The following SLC4A7 variants were observed in gnomAD, a reference collection of about 807,000 sequenced individuals.
The protein encoded by SLC4A7 is solute carrier family 4 member 7.
Under a neutral mutation model 137.6 loss-of-function variants are expected in SLC4A7, and 51 were observed. That is an observed-to-expected ratio of 0.37 (90% confidence interval 0.30 to 0.47). SLC4A7 has a LOEUF of 0.47. Among genes scored for constraint, SLC4A7 ranks in the 20% least tolerant of loss-of-function variants. SLC4A7 has a pLI of 1.00. For synonymous variants in SLC4A7, 542 were observed against 518.6 expected (o/e 1.05, Z -0.61); for missense variants, 1,247 against 1,525.4 (o/e 0.82, Z 3.04).
At chr3:27,460,552 G>A (rs1339165158) in intron 1 of SLC4A7, among the ~76,000 whole-genome samples, 35 of 152,116 alleles carry the variant, frequency 2.3e-4, no homozygotes, top group Admixed American at 2.3e-3. Flanking sequence ...GCTCACAAGA[G>A]ACTATTTCAA....
intron 7 of SLC4A7, among the ~76,000 whole-genome samples, chr3:27,425,370 TAAAAA>T (rs56153970): frequency 4.4e-3 from 248 of 57,000 alleles, no homozygotes; most frequent in Non-Finnish European, 6.1e-3. Context: ...AACTCCGTCC[TAAAAA>T]AAAAAAAAAA....
At chr3:27,445,123 T>C (rs1352762655) in intron 3 of SLC4A7, among the ~76,000 whole-genome samples, 1 of 152,224 alleles carries the variant, frequency 6.6e-6, no homozygotes, top group Non-Finnish European at 1.5e-5. Context: ...ATTCCCAGCC[T>C]TGTGTGAAAG....
chr3:27,467,862 A>G (rs2059074153), intron 1 of SLC4A7, among the ~76,000 whole-genome samples: 1 of 152,246 alleles, frequency 6.6e-6, no homozygotes, highest in Non-Finnish European at 1.5e-5. Flanking sequence ...AAACTTCTCT[A>G]GCAGTTGCTT....
chr3:27,422,482 G>T (rs1170898341), intron 8 of SLC4A7, among the ~76,000 whole-genome samples: 1 of 152,028 alleles, frequency 6.6e-6, no homozygotes, highest in Non-Finnish European at 1.5e-5. Context: ...TATTGCCCAG[G>T]CTGGTCTTGA....
rs2049673847 is a variant in SLC4A7, at chr3:27,373,125, A to C, written c.*3639T>G. ...CAACAAAAGCCACAACACAAAAACT[A>C]ATCAGTGTGCAAAAATCTGATTAAA... On this transcript the variant is annotated 3_prime_UTR_variant, in exon 26 of 26. Coordinates refer to ENST00000454389, the MANE Select transcript of SLC4A7 (RefSeq NM_001321103.2). 6.6e-6 allele frequency: 1 copy of C among 151,942 alleles called. No individual in the cohort carries two copies. Among genetic ancestry groups the C allele is most frequent in the African/African-American group, 2.4e-5 (1 of 41,390 alleles). The allele number at this position is 151,942 out of a possible 1,614,324, so 9.4% of individuals were successfully genotyped here. A position where few individuals can be genotyped will look rare whatever the true frequency, so the allele number is the denominator to read the frequency against.
In SLC4A7 at chr3:27,375,536, C is replaced by T. The variant is rs996367178; in HGVS notation, c.*1228G>A. ...TTAATCTGAGCTACATATAAAATGT[C>T]TAATTTCCTTTTAAAATATAAATAT... On this transcript the variant is annotated 3_prime_UTR_variant, in exon 26 of 26. Coordinates refer to ENST00000454389, the MANE Select transcript of SLC4A7 (RefSeq NM_001321103.2). 2.6e-5 allele frequency: 4 copies of T among 152,328 alleles called. No individual in the cohort carries two copies. The highest frequency in any genetic ancestry group is 7.2e-5 in the African/African-American group (3 of 41,400). The allele number at this position is 152,328 out of a possible 1,614,324, so 9.4% of individuals were successfully genotyped here. A position where few individuals can be genotyped will look rare whatever the true frequency, so the allele number is the denominator to read the frequency against.
At chr3:27,465,815 G>A (rs1260593435) in intron 1 of SLC4A7, among the ~76,000 whole-genome samples, 2 of 151,694 alleles carry the variant, frequency 1.3e-5, no homozygotes, top group South Asian at 2.1e-4. Context: ...TTAGCCAGGC[G>A]TGGTGGCTGG....
chr3:27,395,150 T>A, intron 18 of SLC4A7, 35 bp from the exon 19 acceptor site: 1 of 1,502,228 alleles, frequency 6.7e-7, no homozygotes, highest in South Asian at 1.4e-5. Flanking sequence ...TCAAAAAGTC[T>A]CCTTGCTGTA....
At chr3:27,440,651 C>G (rs1424532951) in intron 3 of SLC4A7, among the ~76,000 whole-genome samples, 1 of 151,884 alleles carries the variant, frequency 6.6e-6, no homozygotes, top group Non-Finnish European at 1.5e-5. Context: ...TCACTTGAAC[C>G]CAGGAGGCAA....
intron 1 of SLC4A7, among the ~76,000 whole-genome samples, chr3:27,463,789 A>AC (rs2058827848): frequency 6.6e-6 from 1 of 152,100 alleles, no homozygotes; most frequent in African/African-American, 2.4e-5. Context: ...AATTGGTGAG[A>AC]TGGGCAGCCT....
intron 10 of SLC4A7, among the ~76,000 whole-genome samples, chr3:27,420,420 A>AC (rs2054846146): frequency 3.3e-5 from 5 of 152,254 alleles, no homozygotes; most frequent in Admixed American, 6.5e-5. Flanking sequence ...GAAATCTAGG[A>AC]TAAAAAAAAT....
chr3:27,475,618 A>G (rs1034171797), intron 1 of SLC4A7, among the ~76,000 whole-genome samples: 6 of 152,200 alleles, frequency 3.9e-5, no homozygotes, highest in African/African-American at 1.4e-4. Flanking sequence ...AATGAAGGCC[A>G]ATTTTAGACT....
intron 1 of SLC4A7, among the ~76,000 whole-genome samples, chr3:27,455,402 T>A (rs1156865992): frequency 2.6e-5 from 4 of 152,152 alleles, no homozygotes; most frequent in African/African-American, 9.7e-5. Flanking sequence ...TTTATTTGTA[T>A]TAAGTAAAAA....
intron 1 of SLC4A7, among the ~76,000 whole-genome samples, chr3:27,473,250 G>C (rs767020575): frequency 6.6e-6 from 1 of 152,000 alleles, no homozygotes; most frequent in Non-Finnish European, 1.5e-5. Context: ...TGTGCACTAT[G>C]ATTATGCCTG....
chr3:27,380,561 A>T (rs2050324762), intron 24 of SLC4A7, among the ~76,000 whole-genome samples: 1 of 152,160 alleles, frequency 6.6e-6, no homozygotes, highest in Non-Finnish European at 1.5e-5. Flanking sequence ...TACAAATACA[A>T]ATGTCAAATT....
At chr3:27,464,590 G>A (rs577778184) in intron 1 of SLC4A7, among the ~76,000 whole-genome samples, 44 of 152,072 alleles carry the variant, frequency 2.9e-4, no homozygotes, top group African/African-American at 8.9e-4. Flanking sequence ...CTACTCGGGA[G>A]GGTGAGGCAG....
intron 2 of SLC4A7, 36 bp from the exon 3 acceptor site, chr3:27,448,833 C>G: frequency 1.3e-6 from 2 of 1,504,034 alleles, no homozygotes; most frequent in Non-Finnish European, 1.8e-6. Context: ...ACTAGCTTTC[C>G]AAAAGAGAAA....
chr3:27,452,926 T>G (rs1414404432), intron 1 of SLC4A7, among the ~76,000 whole-genome samples: 1 of 152,186 alleles, frequency 6.6e-6, no homozygotes, highest in Non-Finnish European at 1.5e-5. Flanking sequence ...TGAATTATGG[T>G]CAAACATAAA....
intron 1 of SLC4A7, among the ~76,000 whole-genome samples, chr3:27,480,043 C>A (rs879879230): frequency 4.6e-5 from 7 of 152,166 alleles, no homozygotes; most frequent in African/African-American, 1.2e-4. Context: ...GGTTAGCACA[C>A]CACATCCCAC....
Sources: gnomAD v4.1 joint callset for allele counts (sites outside exome capture counted in the v4.1 genomes callset) on GRCh38, gnomAD v4.1.1 for gene constraint, MANE v1.5 for transcripts, NCBI Gene and HGNC (gene_info 2026-07-23, HGNC 2026-07-21) for gene names.